The following ZMYND11 variants were observed in gnomAD, a reference collection of about 807,000 sequenced individuals.
ZMYND11 encodes the protein zinc finger MYND domain-containing protein 11.
ZMYND11 carries 9 observed loss-of-function variants against 84.9 expected under a neutral mutation model. The observed-to-expected ratio is 0.11, with a 90% CI of 0.06 to 0.18. ZMYND11 has a LOEUF of 0.18. Among genes scored for constraint, ZMYND11 ranks in the 10% least tolerant of loss-of-function variants. ZMYND11 has a pLI of 1.00. For synonymous variants in ZMYND11, 250 were observed against 244.1 expected, an observed-to-expected ratio of 1.02 and a Z score of -0.23; for missense variants, 409 against 761.0, an observed-to-expected ratio of 0.54 and a Z score of 5.44.
chr10:210,772 A>G (rs961349020), intron 3 of ZMYND11, among the ~76,000 whole-genome samples: 1 of 152,164 alleles, frequency 6.6e-6, no homozygotes, highest in Non-Finnish European at 1.5e-5. Context: ...TAATATTTCT[A>G]TCTTCCTACC....
At chr10:233,319 C>T (rs779498315) in intron 4 of ZMYND11, among the ~76,000 whole-genome samples, 1 of 152,178 alleles carries the variant, frequency 6.6e-6, no homozygotes, top group South Asian at 2.1e-4. Context: ...CATCAAGCTA[C>T]GGGGAAGCTC....
chr10:166,614 G>GT (rs1554763935), intron 1 of ZMYND11, among the ~76,000 whole-genome samples: 5 of 152,072 alleles, frequency 3.3e-5, no homozygotes, highest in Non-Finnish European at 5.9e-5. Flanking sequence ...AAAATGTGGA[G>GT]AAATTGGAAC....
At chr10:201,842 A>G (rs1461550120) in intron 2 of ZMYND11, among the ~76,000 whole-genome samples, 1 of 152,202 alleles carries the variant, frequency 6.6e-6, no homozygotes, top group Non-Finnish European at 1.5e-5. Flanking sequence ...GTATACTTTA[A>G]TATTAGACAT....
chr10:181,304 A>G (rs1057252305), intron 2 of ZMYND11, among the ~76,000 whole-genome samples: 7 of 152,184 alleles, frequency 4.6e-5, no homozygotes, highest in Non-Finnish European at 1.0e-4. Flanking sequence ...CTTTCCCTGT[A>G]TGCTGGTGAA....
In ZMYND11 at chr10:239,418, C is replaced by T; in HGVS notation, c.610-20C>T. ...TTTACTGGTAACTCTTTTCGTCATT[C>T]TGTTTTTTGCCCTCTGCAGAAAGTG... On this transcript the variant is annotated intron_variant, in intron 6 of 14. Coordinates refer to ENST00000381604, the MANE Select transcript of ZMYND11 (RefSeq NM_001370100.5). The T allele has an allele frequency of 3.7e-6, 6 of 1,601,852 alleles. No homozygotes were observed. Among genetic ancestry groups the T allele is most frequent in the Non-Finnish European group, 5.1e-6 (6 of 1,172,854 alleles).
chr10:176,310 A>G (rs951125941), intron 1 of ZMYND11, among the ~76,000 whole-genome samples: 1 of 151,982 alleles, frequency 6.6e-6, no homozygotes, highest in African/African-American at 2.4e-5. Flanking sequence ...CTTGAGAATC[A>G]TGGTCTACTT....
intron 1 of ZMYND11, among the ~76,000 whole-genome samples, chr10:154,200 G>T (rs1243835115): frequency 1.3e-5 from 2 of 152,068 alleles, no homozygotes; most frequent in Non-Finnish European, 2.9e-5. Flanking sequence ...TCATTTTTCT[G>T]GATATATCAT....
At chr10:180,946 C>T (rs1351611395) in intron 2 of ZMYND11, among the ~76,000 whole-genome samples, 1 of 151,838 alleles carries the variant, frequency 6.6e-6, no homozygotes, top group Non-Finnish European at 1.5e-5. Context: ...CCTAGTTTCT[C>T]ATGCTATTTA....
intron 1 of ZMYND11, among the ~76,000 whole-genome samples, chr10:147,188 A>T (rs1461160697): frequency 6.6e-6 from 1 of 152,242 alleles, no homozygotes; most frequent in Non-Finnish European, 1.5e-5. Context: ...TGAGCATATC[A>T]TTGGCAAACA....
At chr10:251,047 C>T (rs1162942143) in intron 14 of ZMYND11, among the ~76,000 whole-genome samples, 2 of 152,100 alleles carry the variant, frequency 1.3e-5, no homozygotes, top group East Asian at 3.9e-4. Flanking sequence ...TCTTTCTTCC[C>T]AATTACATCT....
At position 252,594 on chromosome 10, in the gene ZMYND11, G is replaced by T. The variant is rs1589335523; in HGVS notation, c.*124G>T. On this transcript the variant is annotated 3_prime_UTR_variant, in exon 15 of 15. Coordinates refer to ENST00000381604, the MANE Select transcript of ZMYND11 (RefSeq NM_001370100.5). The surrounding 1 kb of genome is among the most constrained non-coding windows in gnomAD (Gnocchi z 4.6). ...TTGCACCAGCCTTTAAACACTTTTC[G>T]TGAAGAAATTTTGCACAGTAGTTTA... 2.2e-6 allele frequency: 3 copies of T among 1,382,274 alleles called. No homozygotes were observed. The highest frequency in any genetic ancestry group is 2.8e-5 in the Admixed American group (1 of 35,570). The allele number at this position is 1,382,274 out of a possible 1,614,324, so 85.6% of individuals were successfully genotyped here.
intron 11 of ZMYND11, 123 bp from the exon 12 acceptor site, chr10:247,275 G>A (rs1952346905): frequency 8.8e-7 from 1 of 1,135,758 alleles, no homozygotes; most frequent in African/African-American, 1.6e-5. Flanking sequence ...TAACTGAGTG[G>A]ATGGAAGGAT....
In ZMYND11 at chr10:246,617, A is replaced by G. The variant is rs929059799; in HGVS notation, c.951-149A>G. On this transcript the variant is annotated intron_variant, in intron 10 of 14. Transcript: ENST00000381604. The stretch of plus-strand genomic sequence containing the variant: ...GGTTTTCGCAATTAAAAGTAACGGC[A>G]GAACCCACAATTGCTTTTGCACCAA... 22 of 686,620 alleles carry G rather than the reference A, an allele frequency of 3.2e-5. 1 individual carries two copies. The East Asian group carries it at 5.7e-4, about 18-fold the overall frequency. The allele number at this position is 686,620 out of a possible 1,614,324, so 42.5% of individuals were successfully genotyped here. A position where few individuals can be genotyped will look rare whatever the true frequency, so the allele number is the denominator to read the frequency against.
At chr10:247,108 A>C in intron 11 of ZMYND11, 135 bp downstream of exon 11, 1 of 956,520 alleles carries the variant, frequency 1.0e-6, no homozygotes, top group Non-Finnish European at 1.6e-6. Flanking sequence ...GTGCTCTGCA[A>C]AACTAAACCA....
rs1159894697 is a variant in ZMYND11, at chr10:252,083, C to T, written c.1687-265C>T. Among the ~76,000 whole-genome samples the T allele has an allele frequency of 6.6e-6, 1 of 152,046 alleles. No homozygotes were observed. The highest frequency in any genetic ancestry group is 6.6e-5 in the Admixed American group (1 of 15,266). ...GTCAAGAGCATTTTAAGAAAAGAAA[C>T]GGGAATGACTCTCACAGAGATGGAA... is the stretch of plus-strand genomic sequence containing the variant. On this transcript the variant is annotated intron_variant, in intron 14 of 14. Transcript: ENST00000381604. The surrounding 1 kb of genome is among the most constrained non-coding windows in gnomAD (Gnocchi z 4.6).
At chr10:148,674 G>T (rs1291316426) in intron 1 of ZMYND11, 1 of 152,238 alleles carries the variant, frequency 6.6e-6, no homozygotes, top group Non-Finnish European at 1.5e-5. Context: ...AAGATGCATG[G>T]CAGGTGGAAT....
Position 248,993 on chromosome 10 carries a change from G to A in ZMYND11, c.1591G>A (p.Val531Ile), listed in dbSNP as rs766866544. ...QGEMDRKCKQ[V>I]KEKCKEEFVE... is the part of the protein sequence containing the mutation. ...TGAGATGGACAGAAAATGTAAGCAAGTAAAGGAAAAGTGTAAGGAAGAATT... is the reference window on the plus strand; with the variant it reads ...TGAGATGGACAGAAAATGTAAGCAAATAAAGGAAAAGTGTAAGGAAGAATT... The change falls in exon 14 of 15, where the codon GTA becomes ATA. Residue 531 changes from valine to isoleucine, a missense_variant. By Grantham distance (29) the Val-to-Ile change is conservative. Coordinates refer to ENST00000381604, the MANE Select transcript of ZMYND11 (RefSeq NM_001370100.5). The A allele has an allele frequency of 4.3e-6, 7 of 1,614,204 alleles. No homozygotes were observed. Among genetic ancestry groups the A allele is most frequent in the African/African-American group, 1.3e-5 (1 of 75,062 alleles).
chr10:236,163 A>G (rs1196795637), intron 4 of ZMYND11, among the ~76,000 whole-genome samples: 1 of 152,188 alleles, frequency 6.6e-6, no homozygotes, highest in African/African-American at 2.4e-5. Flanking sequence ...AGGCTGTTGT[A>G]ATATCAGGGA....
At chr10:202,881 A>G (rs1472138955) in intron 2 of ZMYND11, among the ~76,000 whole-genome samples, 1 of 152,168 alleles carries the variant, frequency 6.6e-6, no homozygotes, top group Non-Finnish European at 1.5e-5. Context: ...TCCATGCTCT[A>G]TGGTTGTTTC....
Sources: gnomAD v4.1 joint callset for allele counts (sites outside exome capture counted in the v4.1 genomes callset) on GRCh38, gnomAD v4.1.1 for gene constraint, Gnocchi (gnomAD v3.1) non-coding constraint, MANE v1.5 for transcripts, NCBI Gene and HGNC (gene_info 2026-07-23, HGNC 2026-07-21) for gene names.